Variants in SYBU observed in about 807,000 individuals in gnomAD.
The protein encoded by SYBU is GOLSYN A protein.
Under a neutral mutation model 35.9 loss-of-function variants are expected in SYBU, and 21 were observed. That is an observed-to-expected ratio of 0.58 (90% CI 0.41 to 0.84). The LOEUF is 0.84. Among genes scored for constraint, SYBU ranks in the 40% least tolerant of loss-of-function variants. SYBU has a pLI of 0.00. For missense variants in SYBU, 768 were observed against 848.2 expected (o/e 0.91, Z 1.17); for synonymous variants, 319 against 324.3 (o/e 0.98, Z 0.18).
intron 3 of SYBU, among the ~76,000 whole-genome samples, chr8:109,606,947 T>C (rs919717325): frequency 2.0e-5 from 3 of 152,250 alleles, no homozygotes. Flanking sequence ...ATTTCTCTTA[T>C]ACTAATATAG....
intron 2 of SYBU, among the ~76,000 whole-genome samples, chr8:109,623,486 A>G (rs1000645987): frequency 1.3e-5 from 2 of 152,182 alleles, no homozygotes; most frequent in Non-Finnish European, 2.9e-5. Flanking sequence ...ATATATGTCT[A>G]TGGAATGGAA....
rs575326951 is a variant in SYBU, at chr8:109,586,339, T to A, written c.428-177A>T. On this transcript the variant is annotated intron_variant, in intron 3 of 6. Transcript: ENST00000276646. ...TCAAAGCAGTCAAGAGAAGGCCCAG[T>A]ACAAGAACATCATTTCATAAACACA... 6.9e-6 allele frequency: 4 copies of A among 583,548 alleles called. No homozygotes were observed. The East Asian group carries it at 1.1e-4, about 17-fold the overall frequency. 36.1% of individuals were successfully genotyped at this position (583,548 alleles called of 1,614,324 possible).
At chr8:109,640,019 C>A (rs902891775) in intron 2 of SYBU, among the ~76,000 whole-genome samples, 1 of 152,132 alleles carries the variant, frequency 6.6e-6, no homozygotes, top group East Asian at 1.9e-4. Flanking sequence ...CCTTGGGGAA[C>A]TGACAGCACA....
intron 5 of SYBU, 46 bp from the exon 6 acceptor site, chr8:109,578,063 T>A: frequency 6.3e-7 from 1 of 1,577,318 alleles, no homozygotes; most frequent in Non-Finnish European, 8.6e-7. Context: ...CCGTTTCCTT[T>A]TCTATAAAAA....
chr8:109,576,054 A>AAC, intron 6 of SYBU, 41 bp from the exon 7 acceptor site: 1 of 1,494,770 alleles, frequency 6.7e-7, no homozygotes, highest in Non-Finnish European at 8.8e-7. Context: ...AAAAAAAAAA[A>AAC]AAAAAAAAAA....
intron 1 of SYBU, among the ~76,000 whole-genome samples, chr8:109,655,361 A>C (rs908408152): frequency 6.6e-6 from 1 of 152,234 alleles, no homozygotes; most frequent in Non-Finnish European, 1.5e-5. Flanking sequence ...TGGAAAGATA[A>C]AGTTACATTA....
intron 3 of SYBU, chr8:109,586,365 G>C (rs2129708434): frequency 1.8e-6 from 1 of 562,076 alleles, no homozygotes; most frequent in Non-Finnish European, 3.2e-6. Flanking sequence ...CATAAACACA[G>C]CTAAGATGCA....
At chr8:109,617,764 G>A (rs909951440) in intron 3 of SYBU, among the ~76,000 whole-genome samples, 4 of 152,040 alleles carry the variant, frequency 2.6e-5, no homozygotes, top group African/African-American at 9.7e-5. Context: ...CATTTATCAG[G>A]CACCACTAGG....
chr8:109,678,134 C>CAAAAAAA (rs758399888), intron 1 of SYBU, among the ~76,000 whole-genome samples: 4 of 43,128 alleles, frequency 9.3e-5, no homozygotes, highest in Admixed American at 3.0e-4. Flanking sequence ...AACTCCACCT[C>CAAAAAAA]AAAAAAAAAA....
chr8:109,609,895 GTGTCTTGCTTCCAGT>G (rs1369024942), intron 3 of SYBU, among the ~76,000 whole-genome samples: 1 of 152,062 alleles, frequency 6.6e-6, no homozygotes, highest in Non-Finnish European at 1.5e-5. Context: ...TCCAAATTTA[GTGTCTTGCTTCCAGT>G]TTCACCTCAT....
chr8:109,629,759 C>T (rs1813392758), intron 2 of SYBU, among the ~76,000 whole-genome samples: 2 of 151,976 alleles, frequency 1.3e-5, no homozygotes, highest in Admixed American at 1.3e-4. Flanking sequence ...ACAGTCCCAC[C>T]AACAGTGTAA....
At chr8:109,604,494 C>A (rs1006213664) in intron 3 of SYBU, among the ~76,000 whole-genome samples, 1 of 152,112 alleles carries the variant, frequency 6.6e-6, no homozygotes, top group Non-Finnish European at 1.5e-5. Flanking sequence ...CTGCCTAGCA[C>A]ATTAATAAAC....
At chr8:109,581,792 CT>C (rs1175504200) in intron 4 of SYBU, among the ~76,000 whole-genome samples, 1 of 152,240 alleles carries the variant, frequency 6.6e-6, no homozygotes, top group Non-Finnish European at 1.5e-5. Context: ...ATAATTTCAA[CT>C]GGCTGTCAAC....
At chr8:109,659,158 C>G (rs1208931059) in intron 1 of SYBU, among the ~76,000 whole-genome samples, 1 of 152,126 alleles carries the variant, frequency 6.6e-6, no homozygotes, top group Non-Finnish European at 1.5e-5. Flanking sequence ...GCTTGCTGAA[C>G]AGTAGCCATT....
At chr8:109,682,419 G>C (rs1348260850), upstream of SYBU, among the ~76,000 whole-genome samples, 5 of 152,158 alleles carry the variant, frequency 3.3e-5, no homozygotes, top group Non-Finnish European at 5.9e-5. Flanking sequence ...TGAGGAACTT[G>C]TTGGGGCCTA....
intron 3 of SYBU, among the ~76,000 whole-genome samples, chr8:109,601,714 G>C (rs77862265): frequency 0.024 from 3,667 of 152,188 alleles, 144 homozygotes; most frequent in African/African-American, 0.084. Flanking sequence ...GGGTGAAAGA[G>C]ATCACATGAA....
chr8:109,589,846 A>G (rs578056281), intron 3 of SYBU, among the ~76,000 whole-genome samples: 17 of 152,332 alleles, frequency 1.1e-4, no homozygotes, highest in Non-Finnish European at 1.5e-5. Flanking sequence ...CTCATACATC[A>G]GAACATCACA....
chr8:109,659,482 T>C (rs1816481715), intron 1 of SYBU, among the ~76,000 whole-genome samples: 1 of 152,230 alleles, frequency 6.6e-6, no homozygotes, highest in Non-Finnish European at 1.5e-5. Context: ...AATGTTTATT[T>C]ACATTGTTCA....
At chr8:109,654,214 T>A (rs917095278) in intron 1 of SYBU, among the ~76,000 whole-genome samples, 1 of 152,140 alleles carries the variant, frequency 6.6e-6, no homozygotes, top group Non-Finnish European at 1.5e-5. Flanking sequence ...TCTGAAAAAG[T>A]TACTTGTCTA....
Sources: gnomAD v4.1 joint callset for allele counts (sites outside exome capture counted in the v4.1 genomes callset) on GRCh38, gnomAD v4.1.1 for gene constraint, MANE v1.5 for transcripts, NCBI Gene and HGNC (gene_info 2026-07-23, HGNC 2026-07-21) for gene names.